The following CDH18 variants were observed in gnomAD, a reference collection of about 807,000 sequenced individuals.
The protein encoded by CDH18 is cadherin 18.
A neutral mutation model predicts 67.9 loss-of-function variants in CDH18; 31 were observed. The observed-to-expected ratio is 0.46, with a 90% CI of 0.34 to 0.62. The LOEUF is 0.62. Ranked by LOEUF, CDH18 falls within the 20% of genes least tolerant of loss-of-function variation. CDH18 has a pLI of 0.01. For synonymous variants in CDH18, 362 were observed against 347.2 expected (o/e 1.04, Z -0.48); for missense variants, 890 against 975.5 (o/e 0.91, Z 1.17).
At chr5:19,601,965 G>A (rs974403389) in intron 6 of CDH18, among the ~76,000 whole-genome samples, 3 of 151,886 alleles carry the variant, frequency 2.0e-5, no homozygotes, top group Admixed American at 2.0e-4. Context: ...CATAATAGAA[G>A]CCATATGTTA....
intron 5 of CDH18, among the ~76,000 whole-genome samples, chr5:19,655,403 AATAT>A (rs951419365): frequency 6.6e-6 from 1 of 151,344 alleles, no homozygotes; most frequent in East Asian, 1.9e-4. Flanking sequence ...TGCATTAGTG[AATAT>A]ATATATATTC....
intron 2 of CDH18, among the ~76,000 whole-genome samples, chr5:19,895,988 T>C (rs1789281732): frequency 6.7e-6 from 1 of 150,370 alleles, no homozygotes; most frequent in Non-Finnish European, 1.5e-5. Flanking sequence ...CATGCTTCAA[T>C]CTCTGCAACC....
intron 2 of CDH18, among the ~76,000 whole-genome samples, chr5:20,023,072 C>T (rs1459791387): frequency 6.6e-6 from 1 of 152,074 alleles, no homozygotes; most frequent in Non-Finnish European, 1.5e-5. Context: ...CACACCAAAC[C>T]TAATAGAGTA....
rs139338861 is a variant in CDH18, at chr5:20,245,514, T to C, written c.-518+9930A>G. On this transcript the variant is annotated intron_variant, in intron 2 of 14. Transcript: ENST00000507958. ...TGCCCACTTGATCTAGATTGAGTTG[T>C]TTAATAAGTTCTTCTCTGAAGAAAT... 8.2e-4 allele frequency among the ~76,000 whole-genome samples: 125 copies of C among 152,224 alleles called. No homozygotes were observed. The Middle Eastern group carries it at 0.017, about 21-fold the overall frequency.
At chr5:20,272,057 T>C (rs1309944977) in intron 1 of CDH18, among the ~76,000 whole-genome samples, 1 of 152,052 alleles carries the variant, frequency 6.6e-6, no homozygotes, top group Admixed American at 6.6e-5. Context: ...ACATTTCCAG[T>C]CTATTTTTTA....
chr5:20,324,600 C>G (rs975720995), intron 1 of CDH18, among the ~76,000 whole-genome samples: 4 of 151,620 alleles, frequency 2.6e-5, no homozygotes, highest in African/African-American at 9.7e-5. Context: ...CTAAAAAAAT[C>G]CCTCAAATAT....
chr5:19,869,602 C>CTACACAAA (rs1561477782), intron 2 of CDH18, among the ~76,000 whole-genome samples: 1 of 151,806 alleles, frequency 6.6e-6, no homozygotes, highest in East Asian at 1.9e-4. Context: ...AAAAAACTTC[C>CTACACAAA]AATGTCACTT....
chr5:20,403,056 A>G (rs1301001410), intron 1 of CDH18, among the ~76,000 whole-genome samples: 2 of 150,350 alleles, frequency 1.3e-5, no homozygotes, highest in Non-Finnish European at 3.0e-5. Context: ...GGTGGCACAC[A>G]CTTGTAATCC....
At chr5:19,602,037 G>C (rs945528866) in intron 6 of CDH18, among the ~76,000 whole-genome samples, 6 of 152,050 alleles carry the variant, frequency 3.9e-5, no homozygotes, top group Admixed American at 2.0e-4. Context: ...GTAAGACCAG[G>C]AACAAAAGAG....
Position 19,640,808 on chromosome 5 carries a change from C to T in CDH18, c.644-28207G>A, listed in dbSNP as rs543219390. 9.2e-5 allele frequency among the ~76,000 whole-genome samples: 14 copies of T among 151,826 alleles called. No homozygotes were observed. The East Asian group carries it at 2.7e-3, about 30-fold the overall frequency. ...ACTAGAGAGAGTAAAACGAAACCAA[C>T]TAAGCCTAAAGTTGGCAGAATAAAA... On this transcript the variant is annotated intron_variant, in intron 5 of 12. Transcript: ENST00000382275.
intron 1 of CDH18, chr5:20,304,473 C>T: frequency 6.4e-7 from 1 of 1,560,618 alleles, no homozygotes; most frequent in Non-Finnish European, 8.8e-7. Flanking sequence ...CTGTCACCTT[C>T]CGCTTGGCCC....
chr5:20,215,367 C>T (rs763150257), intron 2 of CDH18, among the ~76,000 whole-genome samples: 2 of 151,476 alleles, frequency 1.3e-5, no homozygotes, highest in African/African-American at 2.4e-5. Flanking sequence ...CAAATGGGTA[C>T]AAAGAAATAG....
chr5:19,682,807 T>C (rs189638133), intron 5 of CDH18, among the ~76,000 whole-genome samples: 6 of 152,188 alleles, frequency 3.9e-5, no homozygotes, highest in Non-Finnish European at 7.4e-5. Context: ...ATGCAGGACA[T>C]GAAGTGTTAG....
At chr5:20,536,377 T>C (rs1756722558) in intron 1 of CDH18, among the ~76,000 whole-genome samples, 1 of 152,162 alleles carries the variant, frequency 6.6e-6, no homozygotes, top group Non-Finnish European at 1.5e-5. Flanking sequence ...AGAATGTCAA[T>C]GCTCAGGATG....
chr5:19,705,643 A>T (rs2150502000), intron 5 of CDH18, among the ~76,000 whole-genome samples: 1 of 152,318 alleles, frequency 6.6e-6, no homozygotes, highest in South Asian at 2.1e-4. Context: ...AGGATCTTGT[A>T]GAGTGGCTTT....
intron 2 of CDH18, among the ~76,000 whole-genome samples, chr5:20,099,772 T>C (rs1226458930): frequency 6.6e-6 from 1 of 152,162 alleles, no homozygotes; most frequent in Non-Finnish European, 1.5e-5. Flanking sequence ...TCTAATAAAA[T>C]AGTTTTTATC....
chr5:20,085,831 CATGGGTATTCAAGATGAG>C (rs1380942535), intron 2 of CDH18, among the ~76,000 whole-genome samples: 4 of 152,268 alleles, frequency 2.6e-5, no homozygotes, highest in African/African-American at 9.6e-5. Flanking sequence ...TCCCACAACA[CATGGGTATTCAAGATGAG>C]ATTTGGGTGG....
intron 2 of CDH18, among the ~76,000 whole-genome samples, chr5:20,046,837 T>C (rs931580501): frequency 1.1e-4 from 17 of 151,814 alleles, no homozygotes; most frequent in Middle Eastern, 6.8e-3. Context: ...ACATTGTTGG[T>C]GTTTACTCAA....
intron 1 of CDH18, among the ~76,000 whole-genome samples, chr5:20,575,162 G>T (rs1238175925): frequency 6.6e-6 from 1 of 151,934 alleles, no homozygotes; most frequent in African/African-American, 2.4e-5. Context: ...ACAAAAAAAT[G>T]TACTTTGTAT....
Sources: allele counts gnomAD v4.1 joint callset (sites outside exome capture counted in the v4.1 genomes callset), GRCh38; gene constraint gnomAD v4.1.1; transcripts MANE v1.5; gene names NCBI Gene and HGNC (gene_info 2026-07-23, HGNC 2026-07-21).